MUC3A: variants seen among roughly 807,000 people sequenced by gnomAD.
MUC3A encodes mucin 3A, cell surface associated.
A neutral mutation model predicts 109.0 loss-of-function variants in MUC3A; 109 were observed. That is an observed-to-expected ratio of 1.00 (90% CI 0.86 to 1.17). MUC3A has a LOEUF of 1.17. Ranked by LOEUF, MUC3A falls within the 50% of genes most tolerant of loss-of-function variation. MUC3A has a pLI of 0.00. For synonymous variants in MUC3A, 1,398 were observed against 981.4 expected, an observed-to-expected ratio of 1.42 and a Z score of -7.93; for missense variants, 3,537 against 2,469.4, an observed-to-expected ratio of 1.43 and a Z score of -9.16.
At chr7:100,950,632 A>C (rs1234971737) in intron 1 of MUC3A, among the ~76,000 whole-genome samples, 1 of 152,292 alleles carries the variant, frequency 6.6e-6, no homozygotes, top group Non-Finnish European at 1.5e-5. Context: ...GGTACCTCCC[A>C]CTTCCCATCT....
chr7:100,958,309 C>T lies in MUC3A; in HGVS notation c.6530C>T (p.Thr2177Ile). Residue 2177 changes from threonine to isoleucine, a missense_variant, in exon 2 of 12, where the codon ACC becomes ATC. Physicochemically the swap from Thr to Ile is moderately conservative, Grantham distance 89. Transcript: ENST00000379458. ...GAGACCACCTCACACAGGTGGGGGA[C>T]CACCGAGACCACATCCTACAGTACT... ...TTETTSHRWG[T>I]TETTSYSTPS... The T allele has an allele frequency of 2.4e-4, 12 of 49,202 alleles. No individual in the cohort carries two copies. The highest frequency in any genetic ancestry group is 2.0e-3 in the Admixed American group (5 of 2,494). 3.0% of individuals were successfully genotyped at this position (49,202 alleles called of 1,614,324 possible). A position where few individuals can be genotyped will look rare whatever the true frequency, so the allele number is the denominator to read the frequency against.
rs927537643 is a variant in MUC3A at position 100,967,290 on chromosome 7, G to T, written c.*128G>T. On this transcript the variant is annotated 3_prime_UTR_variant, in exon 12 of 12. Coordinates refer to ENST00000379458, the MANE Select transcript of MUC3A (RefSeq NM_005960.2). ...CTCCTGCTGTTCTTGGGCAAGATGAGACTGTTCCCCCAAATCCCATCCTTC... is the reference window on the plus strand; with the variant it reads ...CTCCTGCTGTTCTTGGGCAAGATGATACTGTTCCCCCAAATCCCATCCTTC... 10 of 1,434,552 alleles carry T rather than the reference G, an allele frequency of 7.0e-6. No homozygotes were observed. The highest frequency in any genetic ancestry group is 8.5e-6 in the Non-Finnish European group (9 of 1,059,214). The allele number at this position is 1,434,552 out of a possible 1,614,324, so 88.9% of individuals were successfully genotyped here. A position where few individuals can be genotyped will look rare whatever the true frequency, so the allele number is the denominator to read the frequency against.
intron 6 of MUC3A, 163 bp from the exon 7 acceptor site, chr7:100,965,119 C>T: frequency 9.6e-7 from 1 of 1,044,432 alleles, no homozygotes; most frequent in Non-Finnish European, 1.3e-6. Context: ...AGGCAGGCAA[C>T]AGGAGTCTTC....
Position 100,966,535 on chromosome 7 carries a change from G to C in MUC3A, c.9761G>C (p.Trp3254Ser). ...GGCGTCCGGGCGGTGCGCTCCGGAT[G>C]GTGGGGCGGCCAGCGCCGAGGCCGG... Reference protein sequence around the residue: ...ALGVRAVRSGWWGGQRRGRSW... With the variant: ...ALGVRAVRSGSWGGQRRGRSW... The change falls in exon 9 of 12, where the codon TGG becomes TCG. Residue 3254 changes from tryptophan to serine, a missense_variant. Physicochemically the swap from Trp to Ser is radical, Grantham distance 177 (BLOSUM62 -3). Transcript: ENST00000379458. 7.4e-7 allele frequency: 1 copy of C among 1,358,828 alleles called. No homozygotes were observed. 84.2% of individuals were successfully genotyped at this position (1,358,828 alleles called of 1,614,324 possible).
In MUC3A at chr7:100,968,208, G is replaced by A. The variant is rs1367231831; in HGVS notation, c.*1046G>A. 2 of 150,942 alleles carry A rather than the reference G, an allele frequency of 1.3e-5. No individual in the cohort carries two copies. Among genetic ancestry groups the A allele is most frequent in the Non-Finnish European group, 2.9e-5 (2 of 68,308 alleles). 9.4% of individuals were successfully genotyped at this position (150,942 alleles called of 1,614,324 possible). On this transcript the variant is annotated 3_prime_UTR_variant, in exon 12 of 12. Transcript: ENST00000379458. Reference sequence around the variant, plus strand: ...TTCCCCTCCTCCCCCTTCTCTTCCTGGTGTCACCTGGATTCCTGCAGTAAC... The same window carrying A: ...TTCCCCTCCTCCCCCTTCTCTTCCTAGTGTCACCTGGATTCCTGCAGTAAC...
Position 100,951,888 on chromosome 7 carries a change from G to C in MUC3A, c.109G>C (p.Ala37Pro). 1 of 1,598,620 alleles carries C rather than the reference G, an allele frequency of 6.3e-7. No individual in the cohort carries two copies. The highest frequency in any genetic ancestry group is 8.5e-7 in the Non-Finnish European group (1 of 1,179,742). Residue 37 changes from alanine to proline, a missense_variant, in exon 2 of 12, where the codon GCA becomes CCA. Coordinates refer to ENST00000379458, the MANE Select transcript of MUC3A (RefSeq NM_005960.2). Reference protein sequence around the residue: ...TSISQVPFPRAEAASAVLSNS... With the variant: ...TSISQVPFPRPEAASAVLSNS... ...CATCTCTCAAGTGCCTTTCCCCAGA[G>C]CAGAAGCAGCCAGCGCTGTGCTCAG...
chr7:100,967,146 C>A lies in MUC3A; in HGVS notation c.9956C>A (p.Thr3319Asn), dbSNP rs112809460. Residue 3319 changes from threonine to asparagine, a missense_variant, in exon 12 of 12, where the codon ACC becomes AAC. Coordinates refer to ENST00000379458, the MANE Select transcript of MUC3A (RefSeq NM_005960.2). The part of the protein sequence containing the change: ...MKVHIKRPEM[T>N]SSSV ...GTGCACATCAAGAGACCCGAGATGACCTCGTCCTCAGTGTGAGCCCTGCGG... is the reference window on the plus strand; with the variant it reads ...GTGCACATCAAGAGACCCGAGATGAACTCGTCCTCAGTGTGAGCCCTGCGG... 3.2e-3 allele frequency: 5,081 copies of A among 1,594,922 alleles called. No homozygotes were observed. The African/African-American group carries it at 0.064, about 20-fold the overall frequency.
At position 100,953,389 on chromosome 7, in the gene MUC3A, C is replaced by CCA; in HGVS notation, c.1610_1611insCA (p.Ser538IlefsTer93). On this transcript the variant is annotated frameshift_variant, in exon 2 of 12. Coordinates refer to ENST00000379458, the MANE Select transcript of MUC3A (RefSeq NM_005960.2). LOFTEE classifies it high-confidence loss of function. ...TTCCCAGCAACATATTCATTTTCATCTTCCATGTCTGCCAGCAGTGCTGGG... is the reference window on the plus strand; with the variant it reads ...TTCCCAGCAACATATTCATTTTCATCCATTCCATGTCTGCCAGCAGTGCTGGG... 2.0e-6 allele frequency: 1 copy of CCA among 507,162 alleles called. No individual in the cohort carries two copies. The highest frequency in any genetic ancestry group is 3.4e-6 in the Non-Finnish European group (1 of 292,012). 31.4% of individuals were successfully genotyped at this position (507,162 alleles called of 1,614,324 possible).
At position 100,953,836 on chromosome 7, in the gene MUC3A, C is replaced by A; in HGVS notation, c.2057C>A (p.Thr686Lys). Residue 686 changes from threonine to lysine, a missense_variant, in exon 2 of 12, where the codon ACA becomes AAA. Coordinates refer to ENST00000379458, the MANE Select transcript of MUC3A (RefSeq NM_005960.2). Reference sequence around the variant, plus strand: ...GTAGTCACCAGTGGCACCATAAACACAATCCCTCCATCTATCTTGGTGACC... The same window carrying A: ...GTAGTCACCAGTGGCACCATAAACAAAATCCCTCCATCTATCTTGGTGACC... ...TEVVTSGTIN[T>K]IPPSILVTTL... 1 of 430,186 alleles carries A rather than the reference C, an allele frequency of 2.3e-6. No homozygotes were observed. The highest frequency in any genetic ancestry group is 4.1e-6 in the Non-Finnish European group (1 of 246,110). The allele number at this position is 430,186 out of a possible 1,614,324, so 26.6% of individuals were successfully genotyped here.
intron 11 of MUC3A, 73 bp downstream of exon 11, chr7:100,967,024 CA>C (rs1792608487): frequency 6.3e-7 from 1 of 1,598,370 alleles, no homozygotes; most frequent in African/African-American, 1.3e-5. Context: ...CGACCCCCAC[CA>C]GGGCAGGGAG....
In MUC3A at chr7:100,958,418, G is replaced by C; in HGVS notation, c.6639G>C (p.Glu2213Asp). ...PSYITSITTT[E>D]TPSSSTPSFS... The stretch of plus-strand genomic sequence containing the variant: ...ACATTACCTCAATCACCACCACCGA[G>C]ACCCCCTCAAGCAGTACTCCCAGCT... Residue 2213 changes from glutamate to aspartate, a missense_variant, in exon 2 of 12, where the codon GAG (glutamate) becomes GAC (aspartate). Transcript: ENST00000379458. 2.0e-6 allele frequency: 3 copies of C among 1,527,442 alleles called. No individual in the cohort carries two copies. Among genetic ancestry groups the C allele is most frequent in the Non-Finnish European group, 2.7e-6 (3 of 1,116,000 alleles). The allele number at this position is 1,527,442 out of a possible 1,614,324, so 94.6% of individuals were successfully genotyped here. A position where few individuals can be genotyped will look rare whatever the true frequency, so the allele number is the denominator to read the frequency against.
At chr7:100,966,198 G>C (rs183690112) in intron 8 of MUC3A, 188 bp from the exon 9 acceptor site, 3 of 269,668 alleles carry the variant, frequency 1.1e-5, no homozygotes, top group Non-Finnish European at 1.4e-5. Context: ...GTGGAATCCC[G>C]CCCCCTCACC....
At position 100,954,438 on chromosome 7, in the gene MUC3A, C is replaced by T. The variant is rs1235661287; in HGVS notation, c.2659C>T (p.Pro887Ser). The change falls in exon 2 of 12, where the codon CCA (proline) becomes TCA (serine). Residue 887 changes from proline to serine, a missense_variant. By Grantham distance (74) the Pro-to-Ser change is moderately conservative (BLOSUM62 -1). Transcript: ENST00000379458. The part of the protein sequence containing the change: ...MTSATTPSGG[P>S]TFTSTENTPT... ...GTCTGCTACCACTCCCAGTGGAGGA[C>T]CAACTTTCACAAGTACTGAGAACAC... The T allele has an allele frequency of 2.5e-6, 1 of 402,444 alleles. No individual in the cohort carries two copies. Among genetic ancestry groups the T allele is most frequent in the Non-Finnish European group, 4.4e-6 (1 of 228,848 alleles). 24.9% of individuals were successfully genotyped at this position (402,444 alleles called of 1,614,324 possible).
In MUC3A at chr7:100,954,251, A is replaced by C. The variant is rs2116167483; in HGVS notation, c.2472A>C (p.Thr824=). Residue 824 remains threonine, a synonymous_variant, in exon 2 of 12, where the codon ACA becomes ACC. Transcript: ENST00000379458. ...CAGGTATCCCTACCTCACAACCAAC[A>C]ACCATCACTCCCTCATCCGTGGGCA... ...VSTGIPTSQP[T]TITPSSVGIS... 1 of 457,490 alleles carries C rather than the reference A, an allele frequency of 2.2e-6. No individual in the cohort carries two copies. Among genetic ancestry groups the C allele is most frequent in the East Asian group, 3.4e-5 (1 of 29,814 alleles). The allele number at this position is 457,490 out of a possible 1,614,324, so 28.3% of individuals were successfully genotyped here.
Position 100,967,990 on chromosome 7 carries a change from C to CTTGTATCTTCT in MUC3A, c.*828_*829insTTGTATCTTCT, listed in dbSNP as rs1246161365. The CTTGTATCTTCT allele has an allele frequency of 1.4e-5, 1 of 73,092 alleles. No homozygotes were observed. Among genetic ancestry groups the CTTGTATCTTCT allele is most frequent in the African/African-American group, 6.3e-5 (1 of 15,982 alleles). The allele number at this position is 73,092 out of a possible 1,614,324, so 4.5% of individuals were successfully genotyped here. Reference sequence around the variant, plus strand: ...GACCTAAATACCCCAGCTGCTGTTCCCCCCATCACCCTGCTGCCCAATTCT... The same window carrying CTTGTATCTTCT: ...GACCTAAATACCCCAGCTGCTGTTCCTTGTATCTTCTCCCCATCACCCTGCTGCCCAATTCT... On this transcript the variant is annotated 3_prime_UTR_variant, in exon 12 of 12. Transcript: ENST00000379458.
chr7:100,958,159 TCACTTCTTCGATCACCACCAC>T lies in MUC3A; in HGVS notation c.6381_6401del (p.Thr2128_Thr2134del). ...ATGCCCTCACACAGTACTCCCAGCT[TCACTTCTTCGATCACCACCAC>T]TGAGAACGCCACACACAGTACTCCC... On this transcript the variant is annotated inframe_deletion, in exon 2 of 12. Coordinates refer to ENST00000379458, the MANE Select transcript of MUC3A (RefSeq NM_005960.2). 1 of 894,318 alleles carries T rather than the reference TCACTTCTTCGATCACCACCAC, an allele frequency of 1.1e-6. No homozygotes were observed. The highest frequency in any genetic ancestry group is 1.5e-6 in the Non-Finnish European group (1 of 687,752). The allele number at this position is 894,318 out of a possible 1,614,324, so 55.4% of individuals were successfully genotyped here.
chr7:100,964,482 T>G (rs1256642503), intron 5 of MUC3A: 4 of 704,790 alleles, frequency 5.7e-6, no homozygotes, highest in East Asian at 6.0e-5. Context: ...AGAGAGGAAG[T>G]CAATCATGTC....
chr7:100,956,977 C>T lies in MUC3A; in HGVS notation c.5198C>T (p.Thr1733Ile). The T allele has an allele frequency of 2.3e-6, 1 of 430,730 alleles. No individual in the cohort carries two copies. Among genetic ancestry groups the T allele is most frequent in the Non-Finnish European group, 4.1e-6 (1 of 246,026 alleles). The allele number at this position is 430,730 out of a possible 1,614,324, so 26.7% of individuals were successfully genotyped here. A position where few individuals can be genotyped will look rare whatever the true frequency, so the allele number is the denominator to read the frequency against. ...GTGQTTFTSSTATSPKTTTLT... is the reference protein window; with the variant it reads ...GTGQTTFTSSIATSPKTTTLT... The stretch of plus-strand genomic sequence containing the variant: ...GGTCAGACTACATTCACCAGTTCAA[C>T]AGCCACATCCCCTAAGACCACCACA... The change falls in exon 2 of 12, where the codon ACA becomes ATA. Residue 1733 changes from threonine to isoleucine, a missense_variant. Transcript: ENST00000379458.
At chr7:100,963,577 AC>A (rs1792415726) in intron 4 of MUC3A, 110 bp from the exon 5 acceptor site, 7 of 1,525,444 alleles carry the variant, frequency 4.6e-6, no homozygotes, top group Non-Finnish European at 6.2e-6. Context: ...GAGCCACGGC[AC>A]CCGGCCGGGG....
Sources: gnomAD v4.1 joint callset for allele counts (sites outside exome capture counted in the v4.1 genomes callset) on GRCh38, gnomAD v4.1.1 for gene constraint, MANE v1.5 for transcripts, NCBI Gene and HGNC (gene_info 2026-07-23, HGNC 2026-07-21) for gene names.